Variants in MYO6 observed in about 807,000 individuals in gnomAD.
The protein encoded by MYO6 is myosin VI.
In MYO6, 74 loss-of-function variants were observed where a neutral mutation model predicts 178.7. That is an observed-to-expected ratio of 0.41 (90% CI 0.34 to 0.50). The LOEUF is 0.50. Among genes scored for constraint, MYO6 ranks in the 20% least tolerant of loss-of-function variants. MYO6 has a pLI of 0.09. For synonymous variants in MYO6, 477 were observed against 504.6 expected (o/e 0.95, Z 0.73); for missense variants, 1,330 against 1,547.4 (o/e 0.86, Z 2.36).
intron 1 of MYO6, among the ~76,000 whole-genome samples, chr6:75,776,513 A>G (rs190534029): frequency 1.3e-4 from 20 of 152,324 alleles, no homozygotes; most frequent in Non-Finnish European, 1.5e-4. Context: ...CCAGAAATCA[A>G]AATAATACAG....
Position 75,764,105 on chromosome 6 carries a change from G to C in MYO6, c.-48+14682G>C, listed in dbSNP as rs186303932. On this transcript the variant is annotated intron_variant, in intron 1 of 34. Transcript: ENST00000369977. Reference sequence around the variant, plus strand: ...CTCTCATCCTGGCTGGACTGCATTCGTACCATTATAGATCATGGCAGCCTC... The same window carrying C: ...CTCTCATCCTGGCTGGACTGCATTCCTACCATTATAGATCATGGCAGCCTC... Among the ~76,000 whole-genome samples the C allele has an allele frequency of 2.0e-5, 3 of 152,014 alleles. No homozygotes were observed. The East Asian group carries it at 5.8e-4, about 29-fold the overall frequency.
chr6:75,886,418 C>T (rs1778436269), intron 24 of MYO6, among the ~76,000 whole-genome samples: 1 of 149,722 alleles, frequency 6.7e-6, no homozygotes, highest in Admixed American at 6.7e-5. Flanking sequence ...GTCAAGGTGA[C>T]ATTTTTTAAA....
chr6:75,842,902 A>G (rs555822622), intron 9 of MYO6, among the ~76,000 whole-genome samples: 33 of 152,268 alleles, frequency 2.2e-4, no homozygotes, highest in African/African-American at 7.9e-4. Context: ...AGGCATCCTG[A>G]AAGGGCAGCT....
intron 1 of MYO6, among the ~76,000 whole-genome samples, chr6:75,791,523 TA>T (rs1768249011): frequency 6.6e-6 from 1 of 152,266 alleles, no homozygotes; most frequent in African/African-American, 2.4e-5. Context: ...TCCAAGTGGT[TA>T]AAAAAATCGA....
At chr6:75,778,615 T>C (rs1054091521) in intron 1 of MYO6, among the ~76,000 whole-genome samples, 10 of 151,974 alleles carry the variant, frequency 6.6e-5, no homozygotes, top group African/African-American at 2.4e-4. Context: ...AAAAAAATTT[T>C]TTTTCTGCCT....
chr6:75,832,473 AT>A (rs1025843059), intron 5 of MYO6, among the ~76,000 whole-genome samples: 1 of 152,114 alleles, frequency 6.6e-6, no homozygotes, highest in African/African-American at 2.4e-5. Flanking sequence ...AAGCTCATTA[AT>A]TCTTGCTTTT....
At chr6:75,834,669 A>G (rs1349538779) in intron 6 of MYO6, among the ~76,000 whole-genome samples, 2 of 152,224 alleles carry the variant, frequency 1.3e-5, no homozygotes, top group Non-Finnish European at 2.9e-5. Flanking sequence ...CATACTCACC[A>G]GTGTTACTCC....
chr6:75,775,661 G>T (rs1409434074), intron 1 of MYO6, among the ~76,000 whole-genome samples: 5 of 152,190 alleles, frequency 3.3e-5, no homozygotes, highest in Admixed American at 6.5e-5. Flanking sequence ...TCCTTTTCCA[G>T]TTAGGCTGCT....
chr6:75,918,585 G>T lies in MYO6; in HGVS notation c.*3573G>T, dbSNP rs1781255244. The T allele has an allele frequency of 6.6e-6, 1 of 152,248 alleles. No homozygotes were observed. Among genetic ancestry groups the T allele is most frequent in the African/African-American group, 2.4e-5 (1 of 41,458 alleles). 9.4% of individuals were successfully genotyped at this position (152,248 alleles called of 1,614,324 possible). On this transcript the variant is annotated 3_prime_UTR_variant, in exon 35 of 35. Transcript: ENST00000369977. Reference sequence around the variant, plus strand: ...ACTGGAGAAGGTCAGCAGTAAATAGGCATTCTGTACATAAGCCTCATGGAA... The same window carrying T: ...ACTGGAGAAGGTCAGCAGTAAATAGTCATTCTGTACATAAGCCTCATGGAA...
Position 75,817,668 on chromosome 6 carries a change from A to G in MYO6, c.117+4A>G, listed in dbSNP as rs1358066511. 6.2e-7 allele frequency: 1 copy of G among 1,609,380 alleles called. No individual in the cohort carries two copies. Among genetic ancestry groups the G allele is most frequent in the Non-Finnish European group, 8.5e-7 (1 of 1,175,798 alleles). On this transcript the variant is annotated splice_donor_region_variant and intron_variant, in intron 2 of 34. Transcript: ENST00000369977. Reference sequence around the variant, plus strand: ...ACCCTTGAATCAGAAAGGCAAGGTGAGTTTCTCAGAAAGATGTTGAAATAT... The same window carrying G: ...ACCCTTGAATCAGAAAGGCAAGGTGGGTTTCTCAGAAAGATGTTGAAATAT...
intron 18 of MYO6, among the ~76,000 whole-genome samples, chr6:75,868,412 T>G (rs570909872): frequency 2.1e-4 from 32 of 152,136 alleles, no homozygotes; most frequent in African/African-American, 7.7e-4. Flanking sequence ...TTCACTATTT[T>G]CCTACTCTAA....
At chr6:75,797,481 C>T (rs1768984549) in intron 1 of MYO6, among the ~76,000 whole-genome samples, 1 of 152,038 alleles carries the variant, frequency 6.6e-6, no homozygotes. Context: ...GGGTATATAC[C>T]CAGTCATGTA....
intron 1 of MYO6, among the ~76,000 whole-genome samples, chr6:75,784,096 C>G (rs889300912): frequency 6.6e-6 from 1 of 152,068 alleles, no homozygotes; most frequent in South Asian, 2.1e-4. Flanking sequence ...CTCAGCCTCC[C>G]GAGTAGCTGG....
chr6:75,886,935 A>G lies in MYO6; in HGVS notation c.2599A>G (p.Met867Val). The G allele has an allele frequency of 1.2e-6, 2 of 1,613,850 alleles. No homozygotes were observed. The highest frequency in any genetic ancestry group is 4.5e-5 in the East Asian group (2 of 44,812). ...VSVLKDGKPEMNKQIKNLEIS... is the reference protein window; with the variant it reads ...VSVLKDGKPEVNKQIKNLEIS... ...TGTGTTGAAAGATGGAAAACCCGAGATGAATAAACAGATCAAGAATCTGGA... is the reference window on the plus strand; with the variant it reads ...TGTGTTGAAAGATGGAAAACCCGAGGTGAATAAACAGATCAAGAATCTGGA... The change falls in exon 25 of 35, where the codon ATG (methionine) becomes GTG (valine). Residue 867 changes from methionine to valine, a missense_variant. This residue lies in a region of MYO6 where 601 missense variants were observed against 626.1 expected (regional missense o/e 0.96). Coordinates refer to ENST00000369977, the MANE Select transcript of MYO6 (RefSeq NM_004999.4).
At chr6:75,892,437 C>T (rs1299260736) in intron 27 of MYO6, 93 bp from the exon 28 acceptor site, 19 of 1,506,474 alleles carry the variant, frequency 1.3e-5, no homozygotes, top group Non-Finnish European at 1.8e-5. Flanking sequence ...TGTATGGGGG[C>T]AGTTATGCTT....
At chr6:75,790,190 G>A (rs1412120242) in intron 1 of MYO6, among the ~76,000 whole-genome samples, 1 of 152,064 alleles carries the variant, frequency 6.6e-6, no homozygotes, top group African/African-American at 2.4e-5. Flanking sequence ...TGAAAATACT[G>A]GGTCAAAAAG....
rs1252912172 is a variant in MYO6 at position 75,805,021 on chromosome 6, A to ATAT, written c.-47-12479_-47-12478insATT. Reference sequence around the variant, plus strand: ...CACACACATATATATATATATATATATTTTTTTTTTTTTTTTTTTTGAGAC... The same window carrying ATAT: ...CACACACATATATATATATATATATATATTTTTTTTTTTTTTTTTTTTTGAGAC... On this transcript the variant is annotated intron_variant, in intron 1 of 34. Coordinates refer to ENST00000369977, the MANE Select transcript of MYO6 (RefSeq NM_004999.4). Among the ~76,000 whole-genome samples, 173 of 77,294 alleles carry ATAT rather than the reference A, an allele frequency of 2.2e-3. 4 individuals carry two copies. The highest frequency in any genetic ancestry group is 0.017 in the South Asian group (38 of 2,226). 50.7% of individuals were successfully genotyped at this position (77,294 alleles called of 152,430 possible).
intron 33 of MYO6, 23 bp from the exon 34 acceptor site, chr6:75,914,040 A>G (rs781097890): frequency 6.2e-7 from 1 of 1,611,554 alleles, no homozygotes; most frequent in Admixed American, 1.7e-5. Flanking sequence ...TGCTGGTATA[A>G]CTTTCCTTGT....
At chr6:75,798,497 T>C (rs907317984) in intron 1 of MYO6, among the ~76,000 whole-genome samples, 3 of 152,178 alleles carry the variant, frequency 2.0e-5, no homozygotes, top group Non-Finnish European at 4.4e-5. Context: ...ATTCACCACA[T>C]TGACAAAATT....
Sources: gnomAD v4.1 joint callset for allele counts (sites outside exome capture counted in the v4.1 genomes callset) on GRCh38, gnomAD v4.1.1 for gene constraint, gnomAD v4.1.1 regional missense constraint, MANE v1.5 for transcripts, NCBI Gene and HGNC (gene_info 2026-07-23, HGNC 2026-07-21) for gene names.